Variants in SGCZ observed in about 807,000 individuals in gnomAD.
SGCZ encodes the protein zeta-sarcoglycan.
Under a neutral mutation model 41.3 loss-of-function variants are expected in SGCZ, and 40 were observed. That is an observed-to-expected ratio of 0.97 (90% CI 0.75 to 1.26). The LOEUF is 1.26. SGCZ is among the 50% of genes most tolerant of loss of function. The pLI is 0.00. For synonymous variants in SGCZ, 206 were observed against 137.5 expected (o/e 1.50, Z -3.49); for missense variants, 552 against 369.8 (o/e 1.49, Z -4.04).
intron 3 of SGCZ, among the ~76,000 whole-genome samples, chr8:14,275,420 G>A (rs1171254580): frequency 6.6e-6 from 1 of 152,000 alleles, no homozygotes; most frequent in Non-Finnish European, 1.5e-5. Flanking sequence ...TAAAGGCTTC[G>A]AACAGCCCCT....
Position 14,253,129 on chromosome 8 carries a change from G to C in SGCZ, c.337-15450C>G, listed in dbSNP as rs544343475. Among the ~76,000 whole-genome samples the C allele has an allele frequency of 5.9e-5, 9 of 152,084 alleles. No individual in the cohort carries two copies. In the South Asian group the frequency reaches 1.9e-3, roughly 32 times the overall value. On this transcript the variant is annotated intron_variant, in intron 3 of 7. Transcript: ENST00000382080. Reference sequence around the variant, plus strand: ...AGAAGAAGTAAATATAGAATATGCTGTCATTAAGAATAAAACAGTAGATAA... The same window carrying C: ...AGAAGAAGTAAATATAGAATATGCTCTCATTAAGAATAAAACAGTAGATAA...
intron 4 of SGCZ, among the ~76,000 whole-genome samples, chr8:14,229,127 C>G (rs925416870): frequency 6.6e-6 from 1 of 152,116 alleles, no homozygotes; most frequent in Non-Finnish European, 1.5e-5. Flanking sequence ...GAAGGAAAAT[C>G]TCTAGAATTC....
At chr8:14,350,942 A>G (rs567388975) in intron 2 of SGCZ, among the ~76,000 whole-genome samples, 121 of 152,272 alleles carry the variant, frequency 7.9e-4, no homozygotes, top group South Asian at 1.7e-3. Flanking sequence ...ATATTTCAGG[A>G]GAGTTTTCCG....
At chr8:14,240,670 T>A (rs934119693) in intron 3 of SGCZ, among the ~76,000 whole-genome samples, 1 of 152,224 alleles carries the variant, frequency 6.6e-6, no homozygotes, top group Non-Finnish European at 1.5e-5. Context: ...TATAATGTGA[T>A]CAAGTGATCT....
At chr8:14,565,957 G>A (rs1162642842) in intron 1 of SGCZ, among the ~76,000 whole-genome samples, 3 of 152,050 alleles carry the variant, frequency 2.0e-5, no homozygotes, top group Admixed American at 2.0e-4. Context: ...ATTATTTATA[G>A]TGTAGTCAAA....
intron 5 of SGCZ, among the ~76,000 whole-genome samples, chr8:14,161,899 A>G (rs541772090): frequency 6.6e-6 from 1 of 152,292 alleles, no homozygotes; most frequent in African/African-American, 2.4e-5. Flanking sequence ...ACACACATAG[A>G]CACATTTTAC....
chr8:15,069,511 A>C (rs1026980326), intron 1 of SGCZ, among the ~76,000 whole-genome samples: 3 of 152,184 alleles, frequency 2.0e-5, no homozygotes, highest in Non-Finnish European at 4.4e-5. Flanking sequence ...CCTGATTTTC[A>C]CGTTAACACC....
At chr8:14,136,732 G>A (rs1803210936) in intron 5 of SGCZ, among the ~76,000 whole-genome samples, 1 of 152,172 alleles carries the variant, frequency 6.6e-6, no homozygotes, top group Non-Finnish European at 1.5e-5. Flanking sequence ...GGACATAGCT[G>A]AACAAAAGGC....
chr8:14,738,061 C>T (rs982978014), intron 1 of SGCZ, among the ~76,000 whole-genome samples: 7 of 152,050 alleles, frequency 4.6e-5, no homozygotes, highest in East Asian at 3.9e-4. Flanking sequence ...TCCTGGCGTT[C>T]GCACTTTAGT....
Position 14,172,947 on chromosome 8 carries a change from G to A in SGCZ, c.425-8245C>T, listed in dbSNP as rs144337920. ...CTAGGGAATGTGTGAGATGAACAAA[G>A]GTTATCAATGCAAAATTCTAGATGT... On this transcript the variant is annotated intron_variant, in intron 4 of 7. Coordinates refer to ENST00000382080, the MANE Select transcript of SGCZ (RefSeq NM_139167.4). Among the ~76,000 whole-genome samples, 177 of 152,220 alleles carry A rather than the reference G, an allele frequency of 1.2e-3. 1 individual carries two copies. The highest frequency in any genetic ancestry group is 1.5e-3 in the Non-Finnish European group (103 of 68,004).
intron 1 of SGCZ, among the ~76,000 whole-genome samples, chr8:15,007,911 C>T (rs1005185357): frequency 6.6e-6 from 1 of 152,062 alleles, no homozygotes; most frequent in Non-Finnish European, 1.5e-5. Context: ...AAAATTAGTT[C>T]AAATATGTTT....
intron 1 of SGCZ, among the ~76,000 whole-genome samples, chr8:14,950,637 A>C (rs373886462): frequency 6.6e-6 from 1 of 152,044 alleles, no homozygotes; most frequent in African/African-American, 2.4e-5. Flanking sequence ...GTTGGCAAAA[A>C]AAATCATAGT....
chr8:14,972,971 C>G (rs1041643298), intron 1 of SGCZ, among the ~76,000 whole-genome samples: 2 of 152,166 alleles, frequency 1.3e-5, no homozygotes, highest in African/African-American at 2.4e-5. Flanking sequence ...TTTCTGGTGT[C>G]ATGTTCCTTC....
Position 14,470,669 on chromosome 8 carries a change from T to A in SGCZ, c.234+84063A>T, listed in dbSNP as rs181469583. ...AGACTAACTATATGACGGTTGGAGA[T>A]AATCAGTAATTAAACTAAGAACCTT... is the stretch of plus-strand genomic sequence containing the variant. On this transcript the variant is annotated intron_variant, in intron 2 of 7. Coordinates refer to ENST00000382080, the MANE Select transcript of SGCZ (RefSeq NM_139167.4). 2.0e-5 allele frequency among the ~76,000 whole-genome samples: 3 copies of A among 152,254 alleles called. No individual in the cohort carries two copies. The East Asian group carries it at 5.8e-4, about 29-fold the overall frequency.
At position 15,033,509 on chromosome 8, in the gene SGCZ, C is replaced by G. The variant is rs548109175; in HGVS notation, c.39+204076G>C. ...ATCACCTTAGTACCTGTGTGACCCC[C>G]CTGGACTCAGGCTCCAGGAGCACCA... On this transcript the variant is annotated intron_variant, in intron 1 of 7. Transcript: ENST00000382080. 6.6e-5 allele frequency among the ~76,000 whole-genome samples: 10 copies of G among 152,172 alleles called. No homozygotes were observed. In the East Asian group the frequency reaches 1.9e-3, roughly 30 times the overall value.
intron 2 of SGCZ, among the ~76,000 whole-genome samples, chr8:14,425,528 G>C (rs967333849): frequency 2.6e-5 from 4 of 151,982 alleles, no homozygotes; most frequent in African/African-American, 9.7e-5. Flanking sequence ...GGCTGAGGCA[G>C]GAGAACTGCT....
At chr8:14,846,275 A>G (rs1019327815) in intron 1 of SGCZ, among the ~76,000 whole-genome samples, 7 of 152,182 alleles carry the variant, frequency 4.6e-5, no homozygotes, top group African/African-American at 1.7e-4. Context: ...TCACCTGAAT[A>G]TATGAGGAAG....
At chr8:14,462,927 T>C (rs74514640) in intron 2 of SGCZ, among the ~76,000 whole-genome samples, 6,281 of 151,878 alleles carry the variant, frequency 0.041, 407 homozygotes, top group African/African-American at 0.14. Flanking sequence ...GGTTAATTTC[T>C]ATTTCATTAT....
intron 1 of SGCZ, among the ~76,000 whole-genome samples, chr8:14,929,424 C>G (rs1389779293): frequency 6.6e-6 from 1 of 151,932 alleles, no homozygotes; most frequent in Non-Finnish European, 1.5e-5. Context: ...AACTGATACT[C>G]TCACCCAGAT....
Sources: allele counts gnomAD v4.1 joint callset (sites outside exome capture counted in the v4.1 genomes callset), GRCh38; gene constraint gnomAD v4.1.1; transcripts MANE v1.5; gene names NCBI Gene and HGNC (gene_info 2026-07-23, HGNC 2026-07-21).